The following SLC2A9 variants were observed in gnomAD, a reference collection of about 807,000 sequenced individuals.
SLC2A9 encodes the protein solute carrier family 2, facilitated glucose transporter member 9.
A neutral mutation model predicts 50.6 loss-of-function variants in SLC2A9; 39 were observed. That is an observed-to-expected ratio of 0.77 (90% CI 0.60 to 1.01). The LOEUF (loss-of-function observed/expected upper bound fraction) is 1.01, where lower values mean the gene tolerates loss of function less well. Among genes scored for constraint, SLC2A9 ranks in the 50% least tolerant of loss-of-function variants. The pLI, the probability that SLC2A9 is intolerant of heterozygous loss-of-function variation, is 0.00. For synonymous variants in SLC2A9, 324 were observed against 276.9 expected (o/e 1.17, Z -1.69); for missense variants, 686 against 677.6 (o/e 1.01, Z -0.14).
intron 10 of SLC2A9, among the ~76,000 whole-genome samples, chr4:9,836,192 G>T (rs1176125688): frequency 1.3e-5 from 2 of 151,366 alleles, no homozygotes; most frequent in African/African-American, 2.4e-5. Flanking sequence ...CTACAAATTG[G>T]GTGAATGTAT....
chr4:9,949,614 G>C (rs1438622665), intron 5 of SLC2A9, among the ~76,000 whole-genome samples: 1 of 152,166 alleles, frequency 6.6e-6, no homozygotes, highest in African/African-American at 2.4e-5. Flanking sequence ...CTCTTTCCTT[G>C]ACATTATTCC....
intron 6 of SLC2A9, among the ~76,000 whole-genome samples, chr4:9,937,515 G>C (rs887486055): frequency 1.3e-5 from 2 of 152,152 alleles, no homozygotes; most frequent in Non-Finnish European, 2.9e-5. Context: ...TGAGGGAGGA[G>C]GGCGCTGGTC....
Position 9,886,471 on chromosome 4 carries a change from TGTGC to T in SLC2A9, c.1291+1092_1291+1095del, listed in dbSNP as rs1736283396. Among the ~76,000 whole-genome samples the T allele has an allele frequency of 3.1e-5, 4 of 127,848 alleles. No homozygotes were observed. The South Asian group carries it at 9.8e-4, about 31-fold the overall frequency. The allele number at this position is 127,848 out of a possible 152,430, so 83.9% of individuals were successfully genotyped here. On this transcript the variant is annotated intron_variant, in intron 10 of 11. Transcript: ENST00000264784. ...GTGTGTGTGTGTGTGTGTGTGTGTG[TGTGC>T]TGTGTGCATGTATGTGCACCTGATG...
intron 10 of SLC2A9, among the ~76,000 whole-genome samples, chr4:9,849,197 T>A (rs996468879): frequency 3.0e-4 from 45 of 152,160 alleles, no homozygotes; most frequent in African/African-American, 1.1e-3. Context: ...TGGAGGGTTT[T>A]AGGAGGAGAA....
chr4:9,904,336 G>A (rs1000107976), intron 8 of SLC2A9, among the ~76,000 whole-genome samples: 3 of 152,180 alleles, frequency 2.0e-5, no homozygotes, highest in Admixed American at 1.3e-4. Context: ...GAGAACATCT[G>A]CATTCCTGGG....
intron 3 of SLC2A9, chr4:9,781,949 G>A (rs1718454867): frequency 8.1e-7 from 1 of 1,238,390 alleles, no homozygotes. Flanking sequence ...GCGCATCCTC[G>A]GGGTGCCCGA....
intron 5 of SLC2A9, among the ~76,000 whole-genome samples, chr4:9,955,425 G>T (rs1476928065): frequency 2.1e-5 from 1 of 47,216 alleles, no homozygotes; most frequent in Non-Finnish European, 4.2e-5. Flanking sequence ...AACCCGGGAG[G>T]CGGAGCTTGC....
chr4:9,980,324 G>A (rs914985214), intron 5 of SLC2A9, among the ~76,000 whole-genome samples: 1 of 152,146 alleles, frequency 6.6e-6, no homozygotes, highest in Non-Finnish European at 1.5e-5. Flanking sequence ...CACAGAAGAT[G>A]CCTAAACAAA....
intron 8 of SLC2A9, among the ~76,000 whole-genome samples, chr4:9,905,598 C>T (rs1309121314): frequency 6.6e-6 from 1 of 152,208 alleles, no homozygotes; most frequent in Non-Finnish European, 1.5e-5. Context: ...GAATACTTTG[C>T]CCAAAATTGT....
At chr4:9,856,719 C>T (rs2109355191) in intron 10 of SLC2A9, among the ~76,000 whole-genome samples, 1 of 152,270 alleles carries the variant, frequency 6.6e-6, no homozygotes, top group South Asian at 2.1e-4. Context: ...AACATAAATG[C>T]CCATTAACAG....
At chr4:10,003,748 G>C (rs892517540) in intron 2 of SLC2A9, among the ~76,000 whole-genome samples, 1 of 152,180 alleles carries the variant, frequency 6.6e-6, no homozygotes, top group African/African-American at 2.4e-5. Flanking sequence ...AACATGACTG[G>C]TCATGCATGA....
chr4:9,918,193 TA>T (rs2110069520), intron 7 of SLC2A9, among the ~76,000 whole-genome samples: 1 of 152,176 alleles, frequency 6.6e-6, no homozygotes, highest in Admixed American at 6.5e-5. Flanking sequence ...GTCCCCCAAA[TA>T]ATGTCTGGGA....
intron 6 of SLC2A9, 30 bp downstream of exon 6, chr4:9,941,883 G>A (rs1167475300): frequency 3.1e-6 from 5 of 1,613,544 alleles, no homozygotes; most frequent in Non-Finnish European, 4.2e-6. Flanking sequence ...GCAGGGGCTG[G>A]AGCTGTGCAG....
chr4:10,025,934 A>T, upstream of SLC2A9: 10 of 1,613,802 alleles, frequency 6.2e-6, no homozygotes, highest in Non-Finnish European at 8.5e-6. Flanking sequence ...CACTTTCTTC[A>T]TCTTCTCCTC....
chr4:9,796,343 A>C (rs1050718745), downstream of SLC2A9, among the ~76,000 whole-genome samples: 4 of 152,158 alleles, frequency 2.6e-5, no homozygotes, highest in African/African-American at 9.7e-5. Context: ...ATCTTTCTCC[A>C]GCAGTCTTGG....
intron 10 of SLC2A9, among the ~76,000 whole-genome samples, chr4:9,882,273 G>A (rs1389721669): frequency 5.3e-5 from 8 of 152,092 alleles, no homozygotes; most frequent in Admixed American, 5.2e-4. Context: ...AATTCTCTGT[G>A]TAGGCCATTT....
downstream of SLC2A9, among the ~76,000 whole-genome samples, chr4:9,821,276 T>C (rs1221196327): frequency 6.6e-6 from 1 of 152,242 alleles, no homozygotes; most frequent in African/African-American, 2.4e-5. Flanking sequence ...CTCTACCTTG[T>C]TGTGGTGTAT....
intron 3 of SLC2A9, among the ~76,000 whole-genome samples, chr4:9,810,375 C>G (rs549058363): frequency 4.6e-5 from 7 of 152,168 alleles, no homozygotes; most frequent in Non-Finnish European, 8.8e-5. Flanking sequence ...GGGGACAATA[C>G]CTAGAGGCAG....
intron 5 of SLC2A9, among the ~76,000 whole-genome samples, chr4:9,942,303 C>T (rs751932238): frequency 4.5e-4 from 68 of 152,318 alleles, no homozygotes; most frequent in African/African-American, 1.5e-3. Flanking sequence ...GAAAAGCAGG[C>T]GGCTCTGGTT....
Sources: gnomAD v4.1 joint callset for allele counts (sites outside exome capture counted in the v4.1 genomes callset) on GRCh38, gnomAD v4.1.1 for gene constraint, MANE v1.5 for transcripts, NCBI Gene and HGNC (gene_info 2026-07-23, HGNC 2026-07-21) for gene names.